The following NTAQ1 variants were observed in gnomAD, a reference collection of about 807,000 sequenced individuals.
NTAQ1 encodes the protein N-terminal glutamine amidase 1.
NTAQ1 carries 21 observed loss-of-function variants against 28.2 expected under a neutral mutation model. That is an observed-to-expected ratio of 0.74 (90% CI 0.53 to 1.07). NTAQ1 has a LOEUF of 1.07. Ranked by LOEUF, NTAQ1 falls within the 50% of genes least tolerant of loss-of-function variation. NTAQ1 has a pLI of 0.00. For missense variants in NTAQ1, 264 were observed against 256.6 expected, an observed-to-expected ratio of 1.03 and a Z score of -0.20; for synonymous variants, 105 against 90.0, an observed-to-expected ratio of 1.17 and a Z score of -0.94.
chr8:123,424,432 C>T (rs1397232649), intron 1 of NTAQ1, among the ~76,000 whole-genome samples: 2 of 152,036 alleles, frequency 1.3e-5, no homozygotes, highest in Non-Finnish European at 2.9e-5. Context: ...TTAGTAGAGA[C>T]GGGGTTTCAC....
At position 123,442,235 on chromosome 8, in the gene NTAQ1, A is replaced by C. The variant is rs57156063; in HGVS notation, c.*820A>C. 1.3e-5 allele frequency: 2 copies of C among 151,956 alleles called. No homozygotes were observed. Among genetic ancestry groups the C allele is most frequent in the African/African-American group, 2.4e-5 (1 of 41,448 alleles). The allele number at this position is 151,956 out of a possible 1,614,324, so 9.4% of individuals were successfully genotyped here. On this transcript the variant is annotated 3_prime_UTR_variant, in exon 6 of 6. Transcript: ENST00000287387. Reference sequence around the variant, plus strand: ...CCAGCTCTCATGTTTTCATGATTCTACTTTAAAAATGAACAACTTCTTATA... The same window carrying C: ...CCAGCTCTCATGTTTTCATGATTCTCCTTTAAAAATGAACAACTTCTTATA...
chr8:123,472,243 C>T (rs1365522329), downstream of NTAQ1, among the ~76,000 whole-genome samples: 1 of 152,176 alleles, frequency 6.6e-6, no homozygotes, highest in Non-Finnish European at 1.5e-5. Flanking sequence ...CTCCTTTGCC[C>T]TTCCTCCTTA....
At position 123,416,788 on chromosome 8, in the gene NTAQ1, C is replaced by A. The variant is rs751815494; in HGVS notation, c.-62C>A. On this transcript the variant is annotated 5_prime_UTR_variant, in exon 1 of 6. Coordinates refer to ENST00000287387, the MANE Select transcript of NTAQ1 (RefSeq NM_018024.3). ...CCACGCGGGCCACTACAAGCCCGCC[C>A]TTTCCTACGTCTGGTCCAGTCGGTC... The A allele has an allele frequency of 1.4e-6, 2 of 1,467,210 alleles. No homozygotes were observed. Among genetic ancestry groups the A allele is most frequent in the South Asian group, 2.6e-5 (2 of 76,618 alleles). The allele number at this position is 1,467,210 out of a possible 1,614,324, so 90.9% of individuals were successfully genotyped here.
At chr8:123,439,140 A>G (rs1244454013) in intron 5 of NTAQ1, among the ~76,000 whole-genome samples, 1 of 151,202 alleles carries the variant, frequency 6.6e-6, no homozygotes, top group Non-Finnish European at 1.5e-5. Context: ...TGCCAGCCCA[A>G]TTACTATATG....
intron 1 of NTAQ1, among the ~76,000 whole-genome samples, chr8:123,425,336 C>G (rs963109197): frequency 1.3e-5 from 2 of 152,098 alleles, no homozygotes; most frequent in African/African-American, 4.8e-5. Flanking sequence ...AGGTGATCCA[C>G]GTGCCTCAGC....
At chr8:123,435,463 T>G in intron 3 of NTAQ1, 9 of 985,442 alleles carry the variant, frequency 9.1e-6, no homozygotes, top group Non-Finnish European at 1.1e-5. Context: ...GAAGCCTCCT[T>G]TGTTACTAGT....
At chr8:123,425,467 C>T (rs1446842114) in intron 1 of NTAQ1, among the ~76,000 whole-genome samples, 1 of 151,612 alleles carries the variant, frequency 6.6e-6, no homozygotes, top group African/African-American at 2.4e-5. Flanking sequence ...TTCCCACCCC[C>T]CCACTTTTTT....
exon 7 of NTAQ1, among the ~76,000 whole-genome samples, chr8:123,468,541 AT>A (rs1816007449): frequency 6.6e-6 from 1 of 152,162 alleles, no homozygotes; most frequent in Non-Finnish European, 1.5e-5. Flanking sequence ...GGATTTTCTT[AT>A]TTTGAAGGAC....
intron 6 of NTAQ1, among the ~76,000 whole-genome samples, chr8:123,462,053 A>T (rs769312236): frequency 2.2e-4 from 34 of 152,230 alleles, no homozygotes; most frequent in Admixed American, 6.5e-4. Context: ...TTTTCTTTTT[A>T]AAAATTTTTT....
chr8:123,462,434 A>G (rs1331953805), intron 6 of NTAQ1, among the ~76,000 whole-genome samples: 3 of 152,080 alleles, frequency 2.0e-5, no homozygotes, highest in Non-Finnish European at 4.4e-5. Context: ...TAAGTCTACA[A>G]CTCAGATACT....
intron 1 of NTAQ1, among the ~76,000 whole-genome samples, chr8:123,421,882 CAG>C (rs1428055879): frequency 6.6e-6 from 1 of 151,850 alleles, no homozygotes; most frequent in Non-Finnish European, 1.5e-5. Context: ...TTAGTAGAGA[CAG>C]GGTTTCACCG....
chr8:123,444,125 A>T (rs753824203), downstream of NTAQ1, among the ~76,000 whole-genome samples: 1 of 151,918 alleles, frequency 6.6e-6, no homozygotes, highest in East Asian at 1.9e-4. Context: ...TTAATATTCA[A>T]CATGTGTGAG....
chr8:123,436,661 G>T, intron 4 of NTAQ1, 60 bp downstream of exon 4: 1 of 1,536,450 alleles, frequency 6.5e-7, no homozygotes, highest in Non-Finnish European at 8.7e-7. Context: ...CGATTCCACA[G>T]AGGTTCTTTT....
intron 3 of NTAQ1, among the ~76,000 whole-genome samples, chr8:123,430,368 G>A (rs549213010): frequency 3.3e-5 from 5 of 152,286 alleles, no homozygotes; most frequent in South Asian, 2.1e-4. Flanking sequence ...TCGGCTGGGC[G>A]CGGTGGCTCA....
At chr8:123,428,330 G>A (rs544928133) in intron 2 of NTAQ1, among the ~76,000 whole-genome samples, 26 of 152,200 alleles carry the variant, frequency 1.7e-4, no homozygotes, top group African/African-American at 5.8e-4. Flanking sequence ...CCAAGTAGCT[G>A]AGACTACAGG....
rs551615735 is a variant in NTAQ1, at chr8:123,425,495, C to A, written c.84-2429C>A. Among the ~76,000 whole-genome samples, 104 of 150,642 alleles carry A rather than the reference C, an allele frequency of 6.9e-4. 1 individual carries two copies. The highest frequency in any genetic ancestry group is 2.0e-3 in the African/African-American group (84 of 41,064). ...ACTTTTTTTTTTTTTTAACCACAAC[C>A]ATCACTTTTCCCTTGTAGTTTCCTA... On this transcript the variant is annotated intron_variant, in intron 1 of 5. Coordinates refer to ENST00000287387, the MANE Select transcript of NTAQ1 (RefSeq NM_018024.3).
chr8:123,437,396 C>T (rs1247244433), intron 5 of NTAQ1, 62 bp downstream of exon 5: 2 of 1,588,398 alleles, frequency 1.3e-6, no homozygotes, highest in African/African-American at 1.4e-5. Flanking sequence ...CAGCATTTTT[C>T]CTTAACGGAG....
chr8:123,475,557 T>C, the NTAQ1 span, among the ~76,000 whole-genome samples: 4 of 152,220 alleles, frequency 2.6e-5, no homozygotes, highest in Non-Finnish European at 5.9e-5. Context: ...ACATATGTTA[T>C]AAATCTATGT....
intron 6 of NTAQ1, among the ~76,000 whole-genome samples, chr8:123,460,931 C>T (rs1815806042): frequency 1.3e-5 from 2 of 152,212 alleles, no homozygotes; most frequent in Admixed American, 1.3e-4. Flanking sequence ...TACATTCAGG[C>T]ACATTTCACA....
Sources: gnomAD v4.1 joint callset for allele counts (sites outside exome capture counted in the v4.1 genomes callset) on GRCh38, gnomAD v4.1.1 for gene constraint, MANE v1.5 for transcripts, NCBI Gene and HGNC (gene_info 2026-07-23, HGNC 2026-07-21) for gene names.